AGBL3: variants seen among roughly 807,000 people sequenced by gnomAD.
The protein encoded by AGBL3 is cytosolic carboxypeptidase 3.
AGBL3 carries 68 observed loss-of-function variants against 94.5 expected under a neutral mutation model. The observed-to-expected ratio is 0.72, with a 90% CI of 0.59 to 0.88. AGBL3 has a LOEUF of 0.88. Among genes scored for constraint, AGBL3 ranks in the 40% least tolerant of loss-of-function variants. AGBL3 has a pLI of 0.00. For synonymous variants in AGBL3, 354 were observed against 370.7 expected, an observed-to-expected ratio of 0.95 and a Z score of 0.52; for missense variants, 934 against 1,103.8, an observed-to-expected ratio of 0.85 and a Z score of 2.18.
At chr7:135,073,505 A>AATAG (rs1820153197) in intron 12 of AGBL3, among the ~76,000 whole-genome samples, 1 of 110,186 alleles carries the variant, frequency 9.1e-6, no homozygotes, top group Non-Finnish European at 2.1e-5. Flanking sequence ...TAAATAAATA[A>AATAG]ATAAATAAAC....
intron 11 of AGBL3, among the ~76,000 whole-genome samples, chr7:135,047,917 G>T (rs1377578936): frequency 6.6e-6 from 1 of 151,864 alleles, no homozygotes; most frequent in African/African-American, 2.4e-5. Context: ...TATGCTTTTG[G>T]TGTCGTATCT....
chr7:135,030,157 T>C (rs111989306), intron 5 of AGBL3, among the ~76,000 whole-genome samples: 2,788 of 138,552 alleles, frequency 0.02, 99 homozygotes, highest in African/African-American at 0.071. Flanking sequence ...CTTTAATTTG[T>C]TAAAAAAAAA....
chr7:135,097,658 AG>A (rs1823109661), intron 15 of AGBL3, among the ~76,000 whole-genome samples: 9 of 152,250 alleles, frequency 5.9e-5, no homozygotes, highest in Middle Eastern at 3.4e-3. Context: ...TTATAATAAA[AG>A]TTTGGGGTCA....
At chr7:135,018,119 C>G (rs1020780833) in intron 5 of AGBL3, among the ~76,000 whole-genome samples, 3 of 152,010 alleles carry the variant, frequency 2.0e-5, no homozygotes, top group Non-Finnish European at 4.4e-5. Context: ...TTGAGATTAA[C>G]AAGGGATGGT....
At position 135,070,834 on chromosome 7, in the gene AGBL3, G is replaced by C. The variant is rs866254888; in HGVS notation, c.1909-5563G>C. ...CTGGCACAAGACAGGGATGCCCTCT[G>C]TCACCACTCCTATTCAACATAGTGT... On this transcript the variant is annotated intron_variant, in intron 12 of 16. Transcript: ENST00000436302. Among the ~76,000 whole-genome samples the C allele has an allele frequency of 5.7e-3, 873 of 151,850 alleles. 7 individuals carry two copies. The highest frequency in any genetic ancestry group is 0.015 in the Admixed American group (229 of 15,200).
intron 11 of AGBL3, among the ~76,000 whole-genome samples, chr7:135,047,426 T>C (rs1817471094): frequency 6.6e-6 from 1 of 152,050 alleles, no homozygotes; most frequent in Admixed American, 6.6e-5. Flanking sequence ...ATGGCAGTTC[T>C]GTTTTTAGAC....
At chr7:135,032,551 C>T (rs188303613) in intron 5 of AGBL3, among the ~76,000 whole-genome samples, 133 of 151,222 alleles carry the variant, frequency 8.8e-4, no homozygotes, top group East Asian at 7.7e-3. Context: ...TCCTCGAGCT[C>T]GGGCAATCTG....
intron 16 of AGBL3, chr7:135,129,199 ACG>A: frequency 7.0e-7 from 1 of 1,427,396 alleles, no homozygotes; most frequent in Non-Finnish European, 9.9e-7. Flanking sequence ...TACTGCCCCC[ACG>A]CATGCTGCCA....
intron 5 of AGBL3, among the ~76,000 whole-genome samples, chr7:135,026,512 T>G (rs747416707): frequency 6.6e-6 from 1 of 151,380 alleles, no homozygotes; most frequent in Non-Finnish European, 1.5e-5. Context: ...TGACCTCAAG[T>G]GATCCACTTA....
intron 12 of AGBL3, among the ~76,000 whole-genome samples, chr7:135,063,285 T>C (rs1264572077): frequency 6.6e-6 from 1 of 152,102 alleles, no homozygotes; most frequent in Non-Finnish European, 1.5e-5. Context: ...TTTGTTTCTT[T>C]TTTTAAAAAC....
At chr7:135,125,892 T>C (rs997315298) in intron 16 of AGBL3, among the ~76,000 whole-genome samples, 1 of 152,064 alleles carries the variant, frequency 6.6e-6, no homozygotes, top group Non-Finnish European at 1.5e-5. Context: ...ATGGAACATA[T>C]CTCAAAATAA....
chr7:135,115,579 C>T lies in AGBL3; in HGVS notation c.2310C>T (p.Phe770=). 6.4e-7 allele frequency: 1 copy of T among 1,550,846 alleles called. No homozygotes were observed. The highest frequency in any genetic ancestry group is 8.7e-7 in the Non-Finnish European group (1 of 1,146,562). The change falls in exon 16 of 17, where the codon TTC becomes TTT. Residue 770 remains phenylalanine (F), a synonymous_variant. Coordinates refer to ENST00000436302, the MANE Select transcript of AGBL3 (RefSeq NM_178563.4). The part of the protein sequence containing the change: ...NMQTTQIKQL[F]NPRTNFQIQH... The stretch of plus-strand genomic sequence containing the variant: ...AAACCACTCAGATAAAACAGCTATT[C>T]AATCCAAGAACCAACTTCCAAATCC...
intron 4 of AGBL3, among the ~76,000 whole-genome samples, chr7:135,009,263 G>A (rs1412576019): frequency 2.0e-5 from 3 of 152,096 alleles, no homozygotes; most frequent in African/African-American, 7.2e-5. Context: ...ACAAAATATG[G>A]TATTTCCACA....
chr7:135,046,612 T>A (rs1817384450), intron 11 of AGBL3, among the ~76,000 whole-genome samples: 1 of 152,110 alleles, frequency 6.6e-6, no homozygotes, highest in Non-Finnish European at 1.5e-5. Context: ...CTTAGTAATA[T>A]GCATTTAATT....
At chr7:135,074,846 A>G (rs1358494247) in intron 12 of AGBL3, among the ~76,000 whole-genome samples, 1 of 152,178 alleles carries the variant, frequency 6.6e-6, no homozygotes, top group Non-Finnish European at 1.5e-5. Context: ...GTCATTTTCA[A>G]AAACTAAATG....
chr7:135,039,466 G>A (rs1816630654), intron 8 of AGBL3, among the ~76,000 whole-genome samples: 1 of 152,174 alleles, frequency 6.6e-6, no homozygotes, highest in African/African-American at 2.4e-5. Context: ...TGGGTACAAT[G>A]GCTCATGCCT....
At chr7:135,001,947 A>T (rs1420079847) in intron 4 of AGBL3, among the ~76,000 whole-genome samples, 1 of 152,182 alleles carries the variant, frequency 6.6e-6, no homozygotes, top group Non-Finnish European at 1.5e-5. Context: ...TCCAGTGGTG[A>T]CTTTTACTTC....
intron 13 of AGBL3, 57 bp from the exon 14 acceptor site, chr7:135,080,146 T>C (rs1820798542): frequency 8.1e-7 from 1 of 1,240,542 alleles, no homozygotes; most frequent in Non-Finnish European, 1.2e-6. Flanking sequence ...ATAGGAAATA[T>C]ACCCCATTTC....
intron 4 of AGBL3, among the ~76,000 whole-genome samples, chr7:135,013,630 C>T (rs1813420065): frequency 1.3e-5 from 2 of 151,570 alleles, no homozygotes; most frequent in Non-Finnish European, 2.9e-5. Context: ...TAGTTGATTC[C>T]ACTGTATTTG....
Sources: gnomAD v4.1 joint callset for allele counts (sites outside exome capture counted in the v4.1 genomes callset) on GRCh38, gnomAD v4.1.1 for gene constraint, MANE v1.5 for transcripts, NCBI Gene and HGNC (gene_info 2026-07-23, HGNC 2026-07-21) for gene names.